C1orf141: variants seen among roughly 807,000 people sequenced by gnomAD.
The protein encoded by C1orf141 is chromosome 1 open reading frame 141, also known as uncharacterized protein C1orf141.
A neutral mutation model predicts 23.2 loss-of-function variants in C1orf141; 19 were observed. The observed-to-expected ratio is 0.82, with a 90% CI of 0.57 to 1.20. The LOEUF is 1.20. C1orf141 is among the 50% of genes most tolerant of loss of function. The pLI is 0.00. For synonymous variants in C1orf141, 153 were observed against 154.6 expected (o/e 0.99, Z 0.08); for missense variants, 469 against 455.1 (o/e 1.03, Z -0.28).
chr1:67,132,930 G>C (rs1313518647), intron 1 of C1orf141, among the ~76,000 whole-genome samples: 1 of 152,188 alleles, frequency 6.6e-6, no homozygotes, highest in African/African-American at 2.4e-5. Flanking sequence ...CAATGAAATA[G>C]AGGCCATGCC....
rs575197212 is a variant in C1orf141, at chr1:67,092,427, A to G, written c.*578T>C. Reference sequence around the variant, plus strand: ...TAGTTATTCTTTTATTTAACAATTTAGAAAAAAGTTAAAGTTTGCAAAAAC... The same window carrying G: ...TAGTTATTCTTTTATTTAACAATTTGGAAAAAAGTTAAAGTTTGCAAAAAC... On this transcript the variant is annotated 3_prime_UTR_variant, in exon 8 of 8. Transcript: ENST00000684719. 6.6e-6 allele frequency: 1 copy of G among 152,366 alleles called. No individual in the cohort carries two copies. Among genetic ancestry groups the G allele is most frequent in the South Asian group, 2.1e-4 (1 of 4,830 alleles). The allele number at this position is 152,366 out of a possible 1,614,324, so 9.4% of individuals were successfully genotyped here.
At chr1:67,110,143 G>C (rs1260714357) in intron 5 of C1orf141, among the ~76,000 whole-genome samples, 1 of 151,976 alleles carries the variant, frequency 6.6e-6, no homozygotes, top group African/African-American at 2.4e-5. Flanking sequence ...TATAATAGTT[G>C]ACTTAAAAAA....
At chr1:67,138,243 A>G (rs1316941610), upstream of C1orf141, among the ~76,000 whole-genome samples, 1 of 152,212 alleles carries the variant, frequency 6.6e-6, no homozygotes, top group Non-Finnish European at 1.5e-5. Flanking sequence ...ATTAAGCTCT[A>G]ACAGGTCCTC....
At chr1:67,140,720 T>A (rs1453362121) in intron 1 of C1orf141, among the ~76,000 whole-genome samples, 2 of 152,194 alleles carry the variant, frequency 1.3e-5, no homozygotes, top group African/African-American at 4.8e-5. Flanking sequence ...CTTGTAACGA[T>A]GATTTTTATT....
chr1:67,138,311 C>A (rs1041804298), upstream of C1orf141, among the ~76,000 whole-genome samples: 2 of 152,198 alleles, frequency 1.3e-5, no homozygotes, highest in African/African-American at 4.8e-5. Context: ...AGATAATGTG[C>A]TAGTTGGTCA....
At chr1:67,139,560 C>CA (rs951486679), upstream of C1orf141, among the ~76,000 whole-genome samples, 5 of 152,154 alleles carry the variant, frequency 3.3e-5, no homozygotes, top group African/African-American at 9.7e-5. Context: ...TTAAAGACCA[C>CA]AACTTAATAT....
chr1:67,131,958 T>A (rs1000112841), intron 1 of C1orf141, among the ~76,000 whole-genome samples: 9 of 151,852 alleles, frequency 5.9e-5, no homozygotes, highest in Non-Finnish European at 1.0e-4. Context: ...CTAATTTTTG[T>A]ATTTTTGGTA....
intron 2 of C1orf141, among the ~76,000 whole-genome samples, chr1:67,128,978 G>A (rs1646469940): frequency 6.6e-6 from 1 of 152,016 alleles, no homozygotes; most frequent in Non-Finnish European, 1.5e-5. Context: ...GATGCCAAAA[G>A]TTTACATTAT....
intron 5 of C1orf141, among the ~76,000 whole-genome samples, chr1:67,108,926 A>T (rs1051043696): frequency 5.3e-5 from 8 of 152,194 alleles, no homozygotes; most frequent in East Asian, 1.9e-4. Context: ...AAAATTTTTT[A>T]AAAAATAGAC....
At chr1:67,106,000 C>T (rs2102441532) in intron 5 of C1orf141, among the ~76,000 whole-genome samples, 1 of 152,292 alleles carries the variant, frequency 6.6e-6, no homozygotes, top group East Asian at 1.9e-4. Flanking sequence ...AAGGGACTAC[C>T]TGTTCAAGTC....
At chr1:67,121,389 GACA>G (rs1646296137) in intron 4 of C1orf141, among the ~76,000 whole-genome samples, 1 of 152,096 alleles carries the variant, frequency 6.6e-6, no homozygotes, top group Non-Finnish European at 1.5e-5. Flanking sequence ...AATCTAGACA[GACA>G]ACGACTCAAG....
At chr1:67,096,490 C>A (rs1406422691) in intron 5 of C1orf141, among the ~76,000 whole-genome samples, 169 bp from the exon 6 acceptor site, 1 of 152,100 alleles carries the variant, frequency 6.6e-6, no homozygotes, top group Non-Finnish European at 1.5e-5. Flanking sequence ...CTAGATAGAA[C>A]TGGAAAAGAC....
chr1:67,127,426 T>C (rs530953492), intron 2 of C1orf141, among the ~76,000 whole-genome samples, 169 bp from the exon 3 acceptor site: 1 of 152,284 alleles, frequency 6.6e-6, no homozygotes, highest in South Asian at 2.1e-4. Flanking sequence ...GTTTTTTCAA[T>C]TGAAGGCTAT....
chr1:67,095,312 A>G lies in C1orf141; in HGVS notation c.526T>C (p.Cys176Arg). The change falls in exon 7 of 8, where the codon TGC (cysteine) becomes CGC (arginine). Residue 176 changes from cysteine to arginine, a missense_variant. This residue lies in a region of C1orf141 where 370 missense variants were observed against 348.1 expected (regional missense o/e 1.06). Coordinates refer to ENST00000684719, the MANE Select transcript of C1orf141 (RefSeq NM_001276351.2). Reference sequence around the variant, plus strand: ...GGATTTTTCAATTCATCCTCAAAGCACAACGGGAGCAAGCTTTTCTTTCTT... The same window carrying G: ...GGATTTTTCAATTCATCCTCAAAGCGCAACGGGAGCAAGCTTTTCTTTCTT... ...SVRKKSLLPL[C>R]FEDELKNPHA... 1.2e-6 allele frequency: 2 copies of G among 1,607,444 alleles called. No individual in the cohort carries two copies. Among genetic ancestry groups the G allele is most frequent in the Non-Finnish European group, 1.7e-6 (2 of 1,175,088 alleles).
intron 4 of C1orf141, among the ~76,000 whole-genome samples, chr1:67,119,321 CTTAA>C (rs1022283082): frequency 9.9e-5 from 15 of 152,182 alleles, no homozygotes; most frequent in African/African-American, 3.4e-4. Context: ...AAGAACTTGG[CTTAA>C]TTGTGTTTGT....
chr1:67,124,978 T>A (rs934447394), intron 4 of C1orf141, among the ~76,000 whole-genome samples: 3 of 152,254 alleles, frequency 2.0e-5, no homozygotes, highest in African/African-American at 4.8e-5. Flanking sequence ...ACTTCTTTTT[T>A]CTGAACTCTC....
At chr1:67,098,274 G>A (rs558085285) in intron 5 of C1orf141, among the ~76,000 whole-genome samples, 108 of 152,214 alleles carry the variant, frequency 7.1e-4, no homozygotes, top group African/African-American at 2.3e-3. Context: ...TAATCCCAGC[G>A]CTTTAAGAGG....
At chr1:67,120,229 C>G (rs369770742) in intron 4 of C1orf141, among the ~76,000 whole-genome samples, 1 of 152,186 alleles carries the variant, frequency 6.6e-6, no homozygotes, top group South Asian at 2.1e-4. Context: ...ATCCCATCAA[C>G]GTAGCTTGGA....
chr1:67,095,658 G>A (rs1558183705), intron 6 of C1orf141: 1 of 373,318 alleles, frequency 2.7e-6, no homozygotes, highest in South Asian at 6.8e-5. Context: ...GAGTGGGGAC[G>A]AGTTGTATTA....
Sources: gnomAD v4.1 joint callset for allele counts (sites outside exome capture counted in the v4.1 genomes callset) on GRCh38, gnomAD v4.1.1 for gene constraint, gnomAD v4.1.1 regional missense constraint, MANE v1.5 for transcripts, NCBI Gene and HGNC (gene_info 2026-07-23, HGNC 2026-07-21) for gene names.